SRP54: variants seen among roughly 807,000 people sequenced by gnomAD.
SRP54 encodes signal recognition particle 54, also known as signal recognition particle subunit SRP54.
A neutral mutation model predicts 64.8 loss-of-function variants in SRP54; 10 were observed. The observed-to-expected ratio is 0.15, with a 90% CI of 0.10 to 0.26. The LOEUF (loss-of-function observed/expected upper bound fraction) is 0.26, where lower values mean the gene tolerates loss of function less well. Ranked by LOEUF, SRP54 falls within the 10% of genes least tolerant of loss-of-function variation. The pLI, the probability that SRP54 is intolerant of heterozygous loss-of-function variation, is 1.00. For synonymous variants in SRP54, 193 were observed against 185.6 expected (o/e 1.04, Z -0.32); for missense variants, 325 against 613.7 (o/e 0.53, Z 4.97).
Position 35,014,806 on chromosome 14 carries a change from G to A in SRP54, c.949G>A (p.Ala317Thr). The A allele has an allele frequency of 1.2e-6, 2 of 1,613,796 alleles. No individual in the cohort carries two copies. The highest frequency in any genetic ancestry group is 1.7e-6 in the Non-Finnish European group (2 of 1,179,856). Reference sequence around the variant, plus strand: ...CGAGTTGAAGTTGGATGACAATGAAGCACTTATAGAGAAGTTGAAACATGG... The same window carrying A: ...CGAGTTGAAGTTGGATGACAATGAAACACTTATAGAGAAGTTGAAACATGG... The part of the protein sequence containing the change: ...VNELKLDDNE[A>T]LIEKLKHGQF... The change falls in exon 11 of 16, where the codon GCA becomes ACA. Residue 317 changes from alanine to threonine, a missense_variant. Physicochemically the swap from Ala to Thr is moderately conservative, Grantham distance 58 (BLOSUM62 0). Transcript: ENST00000216774.
At chr14:34,993,154 C>T (rs2044009013) in intron 1 of SRP54, 1 of 152,192 alleles carries the variant, frequency 6.6e-6, no homozygotes, top group African/African-American at 2.4e-5. Context: ...ACCACCATGC[C>T]TGGCTTAGTA....
chr14:34,996,892 T>G (rs936449718), intron 2 of SRP54, 105 bp downstream of exon 2: 1 of 812,064 alleles, frequency 1.2e-6, no homozygotes. Flanking sequence ...TGATGTAGAC[T>G]TAATACTTGT....
intron 1 of SRP54, among the ~76,000 whole-genome samples, chr14:34,984,140 A>G (rs1274144419): frequency 1.3e-5 from 2 of 152,102 alleles, no homozygotes; most frequent in East Asian, 3.9e-4. Context: ...GCCAACTGGT[A>G]TTTTCTACCT....
intron 2 of SRP54, 192 bp downstream of exon 2, chr14:34,996,979 T>C (rs1204132593): frequency 7.3e-6 from 3 of 412,122 alleles, no homozygotes; most frequent in Non-Finnish European, 8.6e-6. Context: ...TTACTTCAAC[T>C]TTCTATAAAG....
At chr14:34,998,972 T>C (rs2044119473) in intron 2 of SRP54, among the ~76,000 whole-genome samples, 1 of 66,968 alleles carries the variant, frequency 1.5e-5, no homozygotes, top group South Asian at 5.2e-4. Flanking sequence ...ACTTTGTGTG[T>C]ATGTGTGTGT....
chr14:35,003,192 T>C (rs2044204478), intron 4 of SRP54, among the ~76,000 whole-genome samples: 1 of 152,182 alleles, frequency 6.6e-6, no homozygotes, highest in African/African-American at 2.4e-5. Flanking sequence ...CTGGTTCTTA[T>C]ACTCAGATGC....
At chr14:35,003,594 G>A (rs1328407061) in intron 4 of SRP54, among the ~76,000 whole-genome samples, 4 of 148,802 alleles carry the variant, frequency 2.7e-5, no homozygotes, top group Non-Finnish European at 4.5e-5. Flanking sequence ...TTTGAGACAG[G>A]GTCTTACTCT....
chr14:34,996,741 C>T lies in SRP54; in HGVS notation c.32C>T (p.Thr11Ile). ...CTAGCAGACCTTGGAAGAAAAATAA[C>T]ATCAGCATTACGCTCGTTGAGCAAT... MVLADLGRKI[T>I]SALRSLSNAT... The change falls in exon 2 of 16, where the codon ACA becomes ATA. Residue 11 changes from threonine to isoleucine, a missense_variant. Coordinates refer to ENST00000216774, the MANE Select transcript of SRP54 (RefSeq NM_003136.4). The T allele has an allele frequency of 2.5e-6, 4 of 1,613,480 alleles. No individual in the cohort carries two copies. Among genetic ancestry groups the T allele is most frequent in the South Asian group, 1.1e-5 (1 of 91,080 alleles).
chr14:35,019,959 G>C (rs2044499291), intron 13 of SRP54, among the ~76,000 whole-genome samples: 1 of 152,128 alleles, frequency 6.6e-6, no homozygotes. Context: ...GAGGCGGGCG[G>C]ATCACCTGAG....
At chr14:35,028,413 C>CTT (rs2044669619) in intron 15 of SRP54, among the ~76,000 whole-genome samples, 1 of 152,132 alleles carries the variant, frequency 6.6e-6, no homozygotes, top group Non-Finnish European at 1.5e-5. Context: ...GCTATTTAAT[C>CTT]ATCTTTTGTT....
At chr14:35,023,777 C>T (rs1306910726) in intron 14 of SRP54, among the ~76,000 whole-genome samples, 7 of 143,336 alleles carry the variant, frequency 4.9e-5, no homozygotes, top group African/African-American at 1.8e-4. Context: ...GAGTGAGACT[C>T]CGGTCCCCAA....
intron 1 of SRP54, among the ~76,000 whole-genome samples, chr14:34,985,416 A>G (rs185120817): frequency 6.6e-6 from 1 of 152,240 alleles, no homozygotes; most frequent in Non-Finnish European, 1.5e-5. Flanking sequence ...GAGATATTGG[A>G]ATCATTTTTG....
At chr14:35,027,449 A>G (rs961286325) in intron 14 of SRP54, among the ~76,000 whole-genome samples, 1 of 152,182 alleles carries the variant, frequency 6.6e-6, no homozygotes, top group Non-Finnish European at 1.5e-5. Context: ...AGCCGTTGTT[A>G]TAGCTTACTA....
At chr14:34,989,652 G>A (rs1249222705) in intron 1 of SRP54, among the ~76,000 whole-genome samples, 3 of 152,106 alleles carry the variant, frequency 2.0e-5, no homozygotes, top group Admixed American at 6.6e-5. Context: ...TCTGGCAGTT[G>A]TAATTGCCAC....
rs376574373 is a variant in SRP54 at position 34,992,213 on chromosome 14, G to A, written c.-33-4464G>A. 7.2e-5 allele frequency among the ~76,000 whole-genome samples: 11 copies of A among 152,230 alleles called. 1 individual carries two copies. Among genetic ancestry groups the A allele is most frequent in the East Asian group, 5.8e-4 (3 of 5,188 alleles). On this transcript the variant is annotated intron_variant, in intron 1 of 15. Transcript: ENST00000216774. ...CTCCCAAAGTGCTGGGATTACAGGC[G>A]TGAGCCACTGGGCCCGGACAGATTT...
At chr14:35,008,730 T>G in intron 6 of SRP54, 37 bp downstream of exon 6, 2 of 1,604,836 alleles carry the variant, frequency 1.2e-6, no homozygotes, top group Non-Finnish European at 1.7e-6. Flanking sequence ...TTTATATAAT[T>G]TTTATTTTCA....
At chr14:35,027,257 T>G (rs919150093) in intron 14 of SRP54, among the ~76,000 whole-genome samples, 2 of 151,086 alleles carry the variant, frequency 1.3e-5, no homozygotes, top group Non-Finnish European at 2.9e-5. Context: ...CTCGAACTCC[T>G]GACCTCAAGT....
chr14:34,991,354 T>A (rs2138964939), intron 1 of SRP54, among the ~76,000 whole-genome samples: 1 of 152,028 alleles, frequency 6.6e-6, no homozygotes, highest in East Asian at 1.9e-4. Flanking sequence ...GGTCTCGAAC[T>A]CCTGACCTCA....
intron 9 of SRP54, 32 bp from the exon 10 acceptor site, chr14:35,013,770 G>A (rs2044392250): frequency 1.9e-6 from 3 of 1,563,912 alleles, no homozygotes; most frequent in Non-Finnish European, 2.6e-6. Flanking sequence ...GGGTTCTTTT[G>A]AGGTTATTTT....
Sources: allele counts gnomAD v4.1 joint callset (sites outside exome capture counted in the v4.1 genomes callset), GRCh38; gene constraint gnomAD v4.1.1; transcripts MANE v1.5; gene names NCBI Gene and HGNC (gene_info 2026-07-23, HGNC 2026-07-21).